Variants in DDX42 observed in about 807,000 individuals in gnomAD.
DDX42 encodes the protein DEAD-box helicase 42.
A neutral mutation model predicts 101.5 loss-of-function variants in DDX42; 22 were observed. The ratio of observed to expected loss-of-function variants is 0.22; its 90% CI spans 0.15 to 0.31. The LOEUF (loss-of-function observed/expected upper bound fraction) is 0.31, where lower values mean the gene tolerates loss of function less well. Ranked by LOEUF, DDX42 falls within the 10% of genes least tolerant of loss-of-function variation. DDX42 has a pLI of 1.00. For missense variants in DDX42, 849 were observed against 1,199.9 expected (o/e 0.71, Z 4.32); for synonymous variants, 402 against 401.2 (o/e 1.00, Z -0.02).
At chr17:63,817,090 C>T in intron 17 of DDX42, 124 bp downstream of exon 17, 1 of 706,896 alleles carries the variant, frequency 1.4e-6, no homozygotes, top group South Asian at 1.8e-5. Context: ...GGTCTTCACG[C>T]TGCTTGGATT....
intron 1 of DDX42, among the ~76,000 whole-genome samples, chr17:63,783,566 G>A (rs1055506952): frequency 8.5e-5 from 13 of 152,096 alleles, no homozygotes; most frequent in African/African-American, 3.1e-4. Context: ...CATCACACTG[G>A]AATTACGTTG....
intron 9 of DDX42, among the ~76,000 whole-genome samples, chr17:63,808,603 AGG>A (rs1264831360): frequency 6.6e-6 from 1 of 152,202 alleles, no homozygotes; most frequent in Non-Finnish European, 1.5e-5. Context: ...CAGGAAGAGA[AGG>A]GGGTAAAATG....
chr17:63,793,876 ATAT>A (rs1567735161), intron 3 of DDX42, among the ~76,000 whole-genome samples: 2,422 of 144,004 alleles, frequency 0.017, 69 homozygotes, highest in African/African-American at 0.056. Context: ...ATATATATAT[ATAT>A]AATTTTTTAA....
Position 63,817,813 on chromosome 17 carries a change from A to G in DDX42, c.2232A>G (p.Ser744=). 1 of 1,614,202 alleles carries G rather than the reference A, an allele frequency of 6.2e-7. No individual in the cohort carries two copies. Among genetic ancestry groups the G allele is most frequent in the Non-Finnish European group, 8.5e-7 (1 of 1,180,038 alleles). Residue 744 remains serine (S), a synonymous_variant, in exon 18 of 18, where the codon TCA becomes TCG. Coordinates refer to ENST00000389924, the MANE Select transcript of DDX42 (RefSeq NM_203499.3). ...GCTTGAATTCTGTTCCAACTAACTC[A>G]GCACAACAGGGCCATAACAGTCCTG... ...AGSLNSVPTN[S]AQQGHNSPDS...
chr17:63,814,675 C>CT (rs58211962), intron 15 of DDX42, among the ~76,000 whole-genome samples: 21,499 of 90,430 alleles, frequency 0.24, 3,904 homozygotes, highest in Non-Finnish European at 0.28. Context: ...GAGACATTTG[C>CT]TTTTTTTTTT....
chr17:63,809,595 C>G lies in DDX42; in HGVS notation c.1188C>G (p.Thr396=). 6.2e-7 allele frequency: 1 copy of G among 1,614,036 alleles called. No homozygotes were observed. Residue 396 remains threonine (T), a synonymous_variant, in exon 11 of 18, where the codon ACC becomes ACG. Coordinates refer to ENST00000389924, the MANE Select transcript of DDX42 (RefSeq NM_203499.3). The stretch of plus-strand genomic sequence containing the variant: ...TAGATCATGTGAAAAAGAAAGCTAC[C>G]AATCTTCAAAGAGTCTCTTACCTTG... ...RLIDHVKKKA[T]NLQRVSYLVF...
intron 16 of DDX42, 73 bp from the exon 17 acceptor site, chr17:63,816,795 A>C: frequency 8.5e-7 from 1 of 1,178,466 alleles, no homozygotes; most frequent in East Asian, 2.7e-5. Context: ...GGGTTTTCAT[A>C]ATGAGGCCTA....
intron 4 of DDX42, 98 bp from the exon 5 acceptor site, chr17:63,799,490 TC>T (rs2039736026): frequency 2.3e-6 from 3 of 1,310,786 alleles, no homozygotes; most frequent in African/African-American, 2.9e-5. Context: ...TGTTGAGAGT[TC>T]CTGTGCTGTG....
At chr17:63,799,435 G>A (rs781237836) in intron 4 of DDX42, 154 bp from the exon 5 acceptor site, 1 of 661,878 alleles carries the variant, frequency 1.5e-6, no homozygotes, top group African/African-American at 1.8e-5. Flanking sequence ...TATATAATGG[G>A]GTGGATAGTT....
chr17:63,787,013 T>G (rs778858304), intron 1 of DDX42, 21 bp from the exon 2 acceptor site: 1 of 1,610,720 alleles, frequency 6.2e-7, no homozygotes, highest in Non-Finnish European at 8.5e-7. Flanking sequence ...AATTTATATT[T>G]GTGTATCTTA....
intron 1 of DDX42, among the ~76,000 whole-genome samples, chr17:63,784,545 C>T (rs1051307008): frequency 5.9e-5 from 9 of 152,110 alleles, no homozygotes; most frequent in African/African-American, 9.7e-5. Context: ...CTTTGGGAGA[C>T]TGAGGTGGGA....
chr17:63,786,720 C>T (rs2039551453), intron 1 of DDX42, among the ~76,000 whole-genome samples: 1 of 152,228 alleles, frequency 6.6e-6, no homozygotes, highest in Non-Finnish European at 1.5e-5. Context: ...CTGTGTCGCC[C>T]AGGCTGGAGT....
Position 63,809,745 on chromosome 17 carries a change from T to C in DDX42, c.1252+86T>C, listed in dbSNP as rs1309851694. 40 of 1,069,210 alleles carry C rather than the reference T, an allele frequency of 3.7e-5. No homozygotes were observed. In the Admixed American group the frequency reaches 7.4e-4, roughly 20 times the overall value. 66.2% of individuals were successfully genotyped at this position (1,069,210 alleles called of 1,614,324 possible). A position where few individuals can be genotyped will look rare whatever the true frequency, so the allele number is the denominator to read the frequency against. On this transcript the variant is annotated intron_variant, in intron 11 of 17. Coordinates refer to ENST00000389924, the MANE Select transcript of DDX42 (RefSeq NM_203499.3). ...GTCTTTCTAGACTGTTTTTTCAGCA[T>C]GAGAGAAGCTAAAAATACTCCTGGA...
chr17:63,788,332 A>G lies in DDX42; in HGVS notation c.221+1062A>G, dbSNP rs1029482971. Among the ~76,000 whole-genome samples, 5 of 126,222 alleles carry G rather than the reference A, an allele frequency of 4.0e-5. No homozygotes were observed. The East Asian group carries it at 1.3e-3, about 33-fold the overall frequency. 82.8% of individuals were successfully genotyped at this position (126,222 alleles called of 152,430 possible). On this transcript the variant is annotated intron_variant, in intron 2 of 17. Coordinates refer to ENST00000389924, the MANE Select transcript of DDX42 (RefSeq NM_203499.3). ...AGTCTTTTTTTTTTTTTTTTTTGAG[A>G]TGGAGTCTCTCTCACCCAGGCTGGA...
At chr17:63,811,331 C>T (rs2039907893) in intron 13 of DDX42, 158 bp downstream of exon 13, 3 of 534,910 alleles carry the variant, frequency 5.6e-6, no homozygotes, top group South Asian at 7.5e-5. Context: ...TGGGGATAGA[C>T]GTAACAAGAC....
chr17:63,787,905 G>T (rs1195800787), intron 2 of DDX42, among the ~76,000 whole-genome samples: 5 of 107,870 alleles, frequency 4.6e-5, no homozygotes, highest in East Asian at 2.3e-4. Flanking sequence ...AATTCATGTG[G>T]TTTTTTTTTT....
chr17:63,775,378 A>G (rs2144512824), intron 1 of DDX42, among the ~76,000 whole-genome samples: 1 of 152,246 alleles, frequency 6.6e-6, no homozygotes, highest in African/African-American at 2.4e-5. Context: ...GCCTTTGGGG[A>G]ACTTAACTTT....
intron 15 of DDX42, among the ~76,000 whole-genome samples, chr17:63,814,637 A>G (rs1260356166): frequency 8.2e-6 from 1 of 121,582 alleles, no homozygotes; most frequent in Non-Finnish European, 1.7e-5. Flanking sequence ...GTAATATGTG[A>G]TTGTCAGATA....
At chr17:63,811,741 C>T (rs759382141) in intron 13 of DDX42, 191 bp from the exon 14 acceptor site, 12 of 700,140 alleles carry the variant, frequency 1.7e-5, no homozygotes, top group Non-Finnish European at 2.5e-5. Flanking sequence ...TAGGTATGTA[C>T]ACCAGGTGGA....
Sources: allele counts gnomAD v4.1 joint callset (sites outside exome capture counted in the v4.1 genomes callset), GRCh38; gene constraint gnomAD v4.1.1; transcripts MANE v1.5; gene names NCBI Gene and HGNC (gene_info 2026-07-23, HGNC 2026-07-21).